LRTM3: variants seen among roughly 807,000 people sequenced by gnomAD.
The protein encoded by LRTM3 is leucine rich repeat transmembrane protein 3.
chr13:102,730,193 T>C, the LRTM3 span: 4 of 1,550,868 alleles, frequency 2.6e-6, no homozygotes, highest in Admixed American at 3.9e-5. Flanking sequence ...ATCTTCACTG[T>C]AAAATGATTT....
At chr13:102,746,373 T>C in the LRTM3 span, 1 of 1,550,962 alleles carries the variant, frequency 6.4e-7, no homozygotes. Flanking sequence ...TCAGTGTATG[T>C]CTTATCTGCT....
chr13:102,742,391 A>G, the LRTM3 span: 1 of 1,546,624 alleles, frequency 6.5e-7, no homozygotes, highest in South Asian at 1.2e-5. Flanking sequence ...ATAACTCCAG[A>G]TAGTTCCTGA....
the LRTM3 span, chr13:102,732,255 A>G: frequency 1.1e-5 from 17 of 1,551,376 alleles, no homozygotes; most frequent in Non-Finnish European, 1.0e-5. Flanking sequence ...ATGGAAATAG[A>G]AAGACTTCTG....
the LRTM3 span, among the ~76,000 whole-genome samples, chr13:102,752,759 C>T: frequency 6.6e-6 from 1 of 151,992 alleles, no homozygotes; most frequent in Non-Finnish European, 1.5e-5. Flanking sequence ...AGAATGTGAC[C>T]ATATTTGTAG....
the LRTM3 span, among the ~76,000 whole-genome samples, chr13:102,754,205 CA>C: frequency 0.4 from 31,153 of 77,398 alleles, 2,788 homozygotes; most frequent in Admixed American, 0.46. Context: ...ACTCCATCTC[CA>C]AAAAAAAAAA....
the LRTM3 span, chr13:102,735,194 G>A: frequency 6.4e-7 from 1 of 1,551,136 alleles, no homozygotes; most frequent in South Asian, 1.2e-5. Context: ...ATGTAAGACA[G>A]GCGATTTCTT....
the LRTM3 span, chr13:102,731,357 G>A: frequency 1.4e-5 from 21 of 1,551,136 alleles, no homozygotes; most frequent in Middle Eastern, 1.7e-4. Flanking sequence ...AGTCCCTTTT[G>A]GATAAAAGTT....
At chr13:102,743,854 G>A in the LRTM3 span, 4 of 1,550,358 alleles carry the variant, frequency 2.6e-6, no homozygotes, top group Non-Finnish European at 1.7e-6. Context: ...ACTGTGCTGT[G>A]TTCCTCTGGT....
At chr13:102,730,649 G>A in the LRTM3 span, 1 of 1,551,934 alleles carries the variant, frequency 6.4e-7, no homozygotes, top group Non-Finnish European at 8.7e-7. Flanking sequence ...GTTTTCATGG[G>A]GACTTTGCTT....
At chr13:102,732,616 A>G in the LRTM3 span, 1 of 1,551,130 alleles carries the variant, frequency 6.4e-7, no homozygotes, top group Admixed American at 2.0e-5. Context: ...TGTTCTCCCT[A>G]TGAGTGATGA....
the LRTM3 span, chr13:102,729,562 G>A: frequency 6.6e-7 from 1 of 1,520,442 alleles, no homozygotes; most frequent in Non-Finnish European, 8.8e-7. Context: ...GAATTCTGAA[G>A]TTTCTTTTCC....
At chr13:102,758,627 T>C in the LRTM3 span, 1 of 1,517,878 alleles carries the variant, frequency 6.6e-7, no homozygotes. Context: ...GTATCAAAAT[T>C]CAAAAATTTT....
chr13:102,741,137 T>A, the LRTM3 span: 153 of 1,549,290 alleles, frequency 9.9e-5, no homozygotes, highest in Non-Finnish European at 1.3e-4. Flanking sequence ...ATTCTCTTTA[T>A]TCTGATAATA....
the LRTM3 span, chr13:102,750,184 T>C: frequency 6.4e-7 from 1 of 1,551,242 alleles, no homozygotes; most frequent in African/African-American, 1.4e-5. Flanking sequence ...TTTCCTCTAC[T>C]TCTGAATAAA....
At chr13:102,748,730 T>C in the LRTM3 span, 1 of 1,549,946 alleles carries the variant, frequency 6.5e-7, no homozygotes, top group Non-Finnish European at 8.7e-7. Context: ...AATTGAGTCT[T>C]TAAGAGATTC....
the LRTM3 span, chr13:102,734,811 C>G: frequency 1.9e-6 from 3 of 1,551,084 alleles, no homozygotes; most frequent in South Asian, 2.4e-5. Flanking sequence ...CCTGGTTCAC[C>G]TTCACATTCC....
chr13:102,736,681 G>A, the LRTM3 span: 7 of 1,550,436 alleles, frequency 4.5e-6, no homozygotes, highest in African/African-American at 2.7e-5. Flanking sequence ...GTTGACTGAT[G>A]TTCACCTGCA....
At chr13:102,743,677 A>C in the LRTM3 span, 4 of 1,549,740 alleles carry the variant, frequency 2.6e-6, no homozygotes, top group Admixed American at 3.9e-5. Context: ...TAATATGACC[A>C]TGATTTTCTT....
the LRTM3 span, chr13:102,750,422 T>C: frequency 0.79 from 895,905 of 1,140,220 alleles, 355,619 homozygotes; most frequent in South Asian, 0.86. Flanking sequence ...CAAATGAATA[T>C]TAGAATATAT....
Sources: gnomAD v4.1 joint callset for allele counts (sites outside exome capture counted in the v4.1 genomes callset) on GRCh38, gnomAD v4.1.1 for gene constraint, MANE v1.5 for transcripts, NCBI Gene and HGNC (gene_info 2026-07-23, HGNC 2026-07-21) for gene names.